PIBF1: variants seen among roughly 807,000 people sequenced by gnomAD.
PIBF1 encodes the protein progesterone-induced-blocking factor 1.
A neutral mutation model predicts 112.5 loss-of-function variants in PIBF1; 90 were observed. The observed-to-expected ratio is 0.80, with a 90% CI of 0.67 to 0.95. PIBF1 has a LOEUF of 0.95. Among genes scored for constraint, PIBF1 ranks in the 40% least tolerant of loss-of-function variants. The probability of loss-of-function intolerance (pLI) is 0.00; values close to 1 mark genes in which losing one functional copy is unlikely to be tolerated. For synonymous variants in PIBF1, 301 were observed against 288.6 expected (o/e 1.04, Z -0.44); for missense variants, 915 against 852.3 (o/e 1.07, Z -0.92).
At chr13:72,908,341 T>C (rs1663325617) in intron 11 of PIBF1, among the ~76,000 whole-genome samples, 190 bp from the exon 12 acceptor site, 1 of 152,172 alleles carries the variant, frequency 6.6e-6, no homozygotes, top group Non-Finnish European at 1.5e-5. Flanking sequence ...TAATTTTCAG[T>C]TAAAAACAAC....
chr13:72,925,122 T>C (rs577095771), intron 13 of PIBF1, among the ~76,000 whole-genome samples: 3 of 152,188 alleles, frequency 2.0e-5, no homozygotes, highest in African/African-American at 7.2e-5. Context: ...AATTTAGAGA[T>C]AGAGTAAAAC....
chr13:72,782,463 C>A (rs2034319627), intron 1 of PIBF1, 114 bp downstream of exon 1: 1 of 152,134 alleles, frequency 6.6e-6, no homozygotes, highest in Non-Finnish European at 1.5e-5. Context: ...CGTCTCGGGC[C>A]CTTTGTAATC....
intron 15 of PIBF1, among the ~76,000 whole-genome samples, chr13:72,967,619 A>G (rs1050314517): frequency 2.0e-5 from 3 of 152,214 alleles, no homozygotes; most frequent in Non-Finnish European, 4.4e-5. Context: ...TTTAGCTAAA[A>G]TAATTAAGGA....
intron 17 of PIBF1, among the ~76,000 whole-genome samples, chr13:73,014,193 T>G (rs1250855970): frequency 6.6e-6 from 1 of 151,990 alleles, no homozygotes; most frequent in African/African-American, 2.4e-5. Flanking sequence ...AGACTGGTCT[T>G]GAACTCCTGA....
intron 13 of PIBF1, among the ~76,000 whole-genome samples, chr13:72,918,365 C>T (rs1206980012): frequency 6.7e-6 from 1 of 149,038 alleles, no homozygotes; most frequent in Non-Finnish European, 1.5e-5. Context: ...GAAAGTTCTT[C>T]GAGGTCAGCA....
At chr13:73,010,810 C>CTTTGTTTTTTTTTTT (rs2044174573) in intron 17 of PIBF1, among the ~76,000 whole-genome samples, 1 of 40,304 alleles carries the variant, frequency 2.5e-5, no homozygotes, top group Non-Finnish European at 4.4e-5. Flanking sequence ...ATTAACTTTT[C>CTTTGTTTTTTTTTTT]TTTTTTTTTT....
chr13:72,861,044 A>C (rs1037284853), intron 10 of PIBF1, among the ~76,000 whole-genome samples: 2 of 152,232 alleles, frequency 1.3e-5, no homozygotes, highest in African/African-American at 2.4e-5. Flanking sequence ...GGGCTACTAC[A>C]TAGAATACTA....
chr13:72,889,967 A>G (rs2039998465), intron 10 of PIBF1, among the ~76,000 whole-genome samples: 1 of 152,230 alleles, frequency 6.6e-6, no homozygotes, highest in African/African-American at 2.4e-5. Context: ...GAAATAAAAA[A>G]GATTAAATAA....
chr13:72,970,799 T>C (rs1204646305), intron 15 of PIBF1: 2 of 152,118 alleles, frequency 1.3e-5, no homozygotes, highest in Non-Finnish European at 2.9e-5. Flanking sequence ...ATAATAATCA[T>C]CATATTCAGT....
chr13:72,923,608 C>T (rs2138724447), intron 13 of PIBF1, among the ~76,000 whole-genome samples: 1 of 152,312 alleles, frequency 6.6e-6, no homozygotes, highest in African/African-American at 2.4e-5. Context: ...GTACATTCTA[C>T]ACCAAAAATA....
intron 11 of PIBF1, among the ~76,000 whole-genome samples, chr13:72,898,294 T>C (rs1347840498): frequency 6.6e-6 from 1 of 151,858 alleles, no homozygotes; most frequent in Non-Finnish European, 1.5e-5. Context: ...TACCCAAACC[T>C]CTGGAATACA....
chr13:72,835,177 C>G, intron 8 of PIBF1, 66 bp from the exon 9 acceptor site: 1 of 1,183,830 alleles, frequency 8.4e-7, no homozygotes, highest in Non-Finnish European at 1.1e-6. Flanking sequence ...TAAAATCTTA[C>G]GTACAGTGCA....
intron 10 of PIBF1, among the ~76,000 whole-genome samples, chr13:72,859,465 T>C (rs957733853): frequency 2.0e-5 from 3 of 152,204 alleles, no homozygotes; most frequent in African/African-American, 7.2e-5. Flanking sequence ...ATGGTACTCA[T>C]CTATAATATC....
intron 3 of PIBF1, among the ~76,000 whole-genome samples, chr13:72,794,294 C>T (rs2035081711): frequency 6.6e-6 from 1 of 151,988 alleles, no homozygotes; most frequent in Non-Finnish European, 1.5e-5. Context: ...GATTTGGAGA[C>T]AATAATTATA....
intron 17 of PIBF1, among the ~76,000 whole-genome samples, chr13:73,005,984 A>C (rs543840604): frequency 6.7e-6 from 1 of 149,734 alleles, no homozygotes; most frequent in East Asian, 2.0e-4. Flanking sequence ...CAATGGTGCA[A>C]ACTCGGCTCA....
chr13:72,987,858 A>ATTTTTTTTT lies in PIBF1; in HGVS notation c.2050-10949_2050-10941dup, dbSNP rs55999445. On this transcript the variant is annotated intron_variant, in intron 16 of 17. Transcript: ENST00000326291. Reference sequence around the variant, plus strand: ...TTGTAATTTATTTATTTATTTATTTATTTTTTTTTTTTTTTTTTTTTTTGA... The same window carrying ATTTTTTTTT: ...TTGTAATTTATTTATTTATTTATTTATTTTTTTTTTTTTTTTTTTTTTTTTTTTTTTTGA... Among the ~76,000 whole-genome samples, 65 of 58,108 alleles carry ATTTTTTTTT rather than the reference A, an allele frequency of 1.1e-3. 6 individuals carry two copies. Among genetic ancestry groups the ATTTTTTTTT allele is most frequent in the African/African-American group, 6.1e-3 (65 of 10,710 alleles). The allele number at this position is 58,108 out of a possible 152,430, so 38.1% of individuals were successfully genotyped here. A position where few individuals can be genotyped will look rare whatever the true frequency, so the allele number is the denominator to read the frequency against.
At chr13:72,806,076 A>G (rs2035714976) in intron 5 of PIBF1, among the ~76,000 whole-genome samples, 2 of 152,374 alleles carry the variant, frequency 1.3e-5, no homozygotes, top group African/African-American at 2.4e-5. Context: ...TGAATAACAT[A>G]ACATTAAATT....
intron 5 of PIBF1, among the ~76,000 whole-genome samples, chr13:72,803,845 A>T (rs7988026): frequency 6.6e-6 from 1 of 152,040 alleles, no homozygotes; most frequent in African/African-American, 2.4e-5. Flanking sequence ...CTGAGGTTCA[A>T]TTGTCATCAG....
intron 10 of PIBF1, among the ~76,000 whole-genome samples, chr13:72,862,184 A>T (rs74864419): frequency 2.1e-3 from 327 of 152,364 alleles, no homozygotes; most frequent in African/African-American, 7.5e-3. Context: ...AACTCATCAC[A>T]TTCTGGGTAG....
Sources: gnomAD v4.1 joint callset for allele counts (sites outside exome capture counted in the v4.1 genomes callset) on GRCh38, gnomAD v4.1.1 for gene constraint, MANE v1.5 for transcripts, NCBI Gene and HGNC (gene_info 2026-07-23, HGNC 2026-07-21) for gene names.